MALRD1: variants seen among roughly 807,000 people sequenced by gnomAD.
MALRD1 encodes the protein MAM and LDL receptor class A domain containing 1, also known as MAM and LDL-receptor class A domain-containing protein 1.
Under a neutral mutation model 242.1 loss-of-function variants are expected in MALRD1, and 247 were observed. The observed-to-expected ratio is 1.02, with a 90% CI of 0.92 to 1.13. The LOEUF (loss-of-function observed/expected upper bound fraction) is 1.13. Among genes scored for constraint, MALRD1 ranks in the 50% most tolerant of loss-of-function variants. The pLI is 0.00. For missense variants in MALRD1, 2,989 were observed against 2,533.1 expected (o/e 1.18, Z -3.86); for synonymous variants, 995 against 866.6 (o/e 1.15, Z -2.60).
chr10:19,526,769 T>C (rs1834119020), intron 31 of MALRD1, among the ~76,000 whole-genome samples: 1 of 152,170 alleles, frequency 6.6e-6, no homozygotes, highest in Non-Finnish European at 1.5e-5. Flanking sequence ...AAATAGTGGA[T>C]TATCATTCCC....
At position 19,703,298 on chromosome 10, in the gene MALRD1, C is replaced by T. The variant is rs957866727; in HGVS notation, c.6314+10744C>T. Reference sequence around the variant, plus strand: ...TCTCTCTGCAGGTGTATTTCCTCTGCTTCCTGTCCCTGTAACAAAGTAGTG... The same window carrying T: ...TCTCTCTGCAGGTGTATTTCCTCTGTTTCCTGTCCCTGTAACAAAGTAGTG... On this transcript the variant is annotated intron_variant, in intron 38 of 39. Coordinates refer to ENST00000454679, the MANE Select transcript of MALRD1 (RefSeq NM_001142308.3). 5.3e-5 allele frequency among the ~76,000 whole-genome samples: 8 copies of T among 152,270 alleles called. No homozygotes were observed. In the South Asian group the frequency reaches 1.2e-3, roughly 24 times the overall value.
intron 18 of MALRD1, among the ~76,000 whole-genome samples, chr10:19,248,297 A>G (rs1839151352): frequency 6.6e-6 from 1 of 151,994 alleles, no homozygotes; most frequent in African/African-American, 2.4e-5. Flanking sequence ...TAAATTGAAA[A>G]AAGTGTTTAT....
rs557768668 is a variant in MALRD1 at position 19,260,149 on chromosome 10, G to T, written c.3079+2378G>T. 1.9e-3 allele frequency among the ~76,000 whole-genome samples: 285 copies of T among 152,252 alleles called. 2 individuals are homozygous for T. Among genetic ancestry groups the T allele is most frequent in the Middle Eastern group, 3.4e-3 (1 of 294 alleles). ...GCTAAAATATTAAGTAATTCTATGT[G>T]CCAGATACTATAGTATATGTCAGTC... On this transcript the variant is annotated intron_variant, in intron 19 of 39. Transcript: ENST00000454679.
chr10:19,192,074 G>A (rs1836000652), intron 14 of MALRD1, among the ~76,000 whole-genome samples: 1 of 151,978 alleles, frequency 6.6e-6, no homozygotes, highest in African/African-American at 2.4e-5. Context: ...AGTGAAATAA[G>A]CCAGTCACAA....
At chr10:19,531,383 T>C (rs1391734219) in intron 32 of MALRD1, 32 bp downstream of exon 32, 1 of 1,498,862 alleles carries the variant, frequency 6.7e-7, no homozygotes, top group East Asian at 2.5e-5. Context: ...TTATGATCAC[T>C]GAAATATGCA....
chr10:19,549,007 A>G (rs980240825), intron 32 of MALRD1, among the ~76,000 whole-genome samples: 6 of 152,206 alleles, frequency 3.9e-5, no homozygotes, highest in African/African-American at 1.4e-4. Flanking sequence ...GAACACACAC[A>G]TGATAATGAA....
At chr10:19,628,491 G>A (rs1484880921) in intron 36 of MALRD1, among the ~76,000 whole-genome samples, 1 of 152,038 alleles carries the variant, frequency 6.6e-6, no homozygotes, top group African/African-American at 2.4e-5. Context: ...CATATTGTTA[G>A]GTGAAAATGC....
At position 19,266,247 on chromosome 10, in the gene MALRD1, C is replaced by T. The variant is rs868190659; in HGVS notation, c.3079+8476C>T. Among the ~76,000 whole-genome samples, 8 of 151,596 alleles carry T rather than the reference C, an allele frequency of 5.3e-5. No individual in the cohort carries two copies. The South Asian group carries it at 1.0e-3, about 20-fold the overall frequency. On this transcript the variant is annotated intron_variant, in intron 19 of 39. Coordinates refer to ENST00000454679, the MANE Select transcript of MALRD1 (RefSeq NM_001142308.3). ...ATTAATAGGTAAGGACTTACTATTG[C>T]CATTTAAAAAATTCCTTCCTAGCTG...
chr10:19,203,931 G>T, intron 15 of MALRD1, 51 bp downstream of exon 15: 2 of 1,543,456 alleles, frequency 1.3e-6, no homozygotes, highest in Non-Finnish European at 8.8e-7. Context: ...TGTTTAGTTA[G>T]ACTTCAGAAG....
chr10:19,426,094 A>T (rs1589055045), intron 28 of MALRD1, among the ~76,000 whole-genome samples: 1 of 152,202 alleles, frequency 6.6e-6, no homozygotes, highest in South Asian at 2.1e-4. Context: ...GAGTGTTGAC[A>T]TATGAATATA....
intron 18 of MALRD1, among the ~76,000 whole-genome samples, chr10:19,228,096 A>G (rs1453398228): frequency 6.6e-6 from 1 of 152,102 alleles, no homozygotes; most frequent in East Asian, 1.9e-4. Flanking sequence ...AAGTAATTCC[A>G]CTGCGACTCA....
intron 26 of MALRD1, among the ~76,000 whole-genome samples, chr10:19,372,345 G>A (rs1017440485): frequency 1.6e-4 from 24 of 151,970 alleles, no homozygotes; most frequent in Admixed American, 5.2e-4. Flanking sequence ...TCAAAAATTA[G>A]CGTTATAAAT....
intron 38 of MALRD1, among the ~76,000 whole-genome samples, chr10:19,713,299 C>G (rs1834228609): frequency 6.6e-6 from 1 of 152,196 alleles, no homozygotes; most frequent in Admixed American, 6.5e-5. Context: ...ATTCTCTGTT[C>G]TTATACTTAT....
chr10:19,206,149 A>T (rs1428978076), intron 17 of MALRD1, among the ~76,000 whole-genome samples: 2 of 151,764 alleles, frequency 1.3e-5, no homozygotes, highest in African/African-American at 4.8e-5. Flanking sequence ...ATTTATGTTC[A>T]TGAAATACAG....
At chr10:19,699,203 T>TATGATAATA (rs1554827195) in intron 38 of MALRD1, among the ~76,000 whole-genome samples, 1 of 147,220 alleles carries the variant, frequency 6.8e-6, no homozygotes, top group Non-Finnish European at 1.5e-5. Flanking sequence ...GAACTTAAAG[T>TATGATAATA]ATAATAATAA....
chr10:19,254,557 A>G (rs1030673796), intron 18 of MALRD1, among the ~76,000 whole-genome samples: 1 of 152,010 alleles, frequency 6.6e-6, no homozygotes, highest in African/African-American at 2.4e-5. Flanking sequence ...TGGCTGTGCC[A>G]TTTAGGATTC....
chr10:19,533,098 G>A (rs1410501012), intron 32 of MALRD1, among the ~76,000 whole-genome samples: 3 of 152,064 alleles, frequency 2.0e-5, no homozygotes, highest in Non-Finnish European at 2.9e-5. Context: ...GGCAGATTTC[G>A]GTCACTTTCT....
Position 19,595,323 on chromosome 10 carries a change from A to T in MALRD1, c.5810A>T (p.Asp1937Val), listed in dbSNP as rs1838030219. 2 of 1,550,626 alleles carry T rather than the reference A, an allele frequency of 1.3e-6. No individual in the cohort carries two copies. The highest frequency in any genetic ancestry group is 2.4e-5 in the East Asian group (1 of 40,916). ...EDCIDGSDEM[D>V]CPLSPTPPLC... ...TGCATAGATGGATCTGATGAAATGGATTGTCCTCTCAGCCCCACCCCTCCA... is the reference window on the plus strand; with the variant it reads ...TGCATAGATGGATCTGATGAAATGGTTTGTCCTCTCAGCCCCACCCCTCCA... The change falls in exon 34 of 40, where the codon GAT (aspartate) becomes GTT (valine). Residue 1937 changes from aspartate (D) to valine (V), a missense_variant. Transcript: ENST00000454679.
chr10:19,068,926 G>C (rs1467216431), intron 2 of MALRD1, among the ~76,000 whole-genome samples: 2 of 152,066 alleles, frequency 1.3e-5, no homozygotes, highest in Non-Finnish European at 2.9e-5. Flanking sequence ...GTAAAGCTCA[G>C]GGAAAGAAGG....
Sources: gnomAD v4.1 joint callset for allele counts (sites outside exome capture counted in the v4.1 genomes callset) on GRCh38, gnomAD v4.1.1 for gene constraint, MANE v1.5 for transcripts, NCBI Gene and HGNC (gene_info 2026-07-23, HGNC 2026-07-21) for gene names.